PHACTR1: variants seen among roughly 807,000 people sequenced by gnomAD.
PHACTR1 encodes RPEL repeat containing 1.
In PHACTR1, 16 loss-of-function variants were observed where a neutral mutation model predicts 69.2. The ratio of observed to expected loss-of-function variants is 0.23; its 90% confidence interval spans 0.16 to 0.35. PHACTR1 has a LOEUF of 0.35. Among genes scored for constraint, PHACTR1 ranks in the 10% least tolerant of loss-of-function variants. The pLI is 1.00. For missense variants in PHACTR1, 510 were observed against 734.7 expected (o/e 0.69, Z 3.54); for synonymous variants, 312 against 284.5 (o/e 1.10, Z -0.97).
chr6:12,879,876 A>T (rs1782910600), intron 4 of PHACTR1, among the ~76,000 whole-genome samples: 1 of 152,022 alleles, frequency 6.6e-6, no homozygotes, highest in Admixed American at 6.6e-5. Flanking sequence ...CCATTATTCT[A>T]CTCTCGTATG....
intron 4 of PHACTR1, among the ~76,000 whole-genome samples, chr6:12,967,858 T>G (rs774319497): frequency 6.6e-6 from 1 of 152,252 alleles, no homozygotes. Context: ...AATATTGTTT[T>G]GCAAGGACTA....
At chr6:12,914,681 G>A (rs1786776355) in intron 4 of PHACTR1, among the ~76,000 whole-genome samples, 1 of 151,906 alleles carries the variant, frequency 6.6e-6, no homozygotes, top group South Asian at 2.1e-4. Context: ...TCTCTCAGGG[G>A]GAGCAATCAG....
At chr6:12,859,824 C>A (rs1041992779) in intron 4 of PHACTR1, among the ~76,000 whole-genome samples, 1 of 152,058 alleles carries the variant, frequency 6.6e-6, no homozygotes, top group Non-Finnish European at 1.5e-5. Context: ...TACATGAGGA[C>A]AATAGATGTT....
intron 4 of PHACTR1, among the ~76,000 whole-genome samples, chr6:12,888,773 G>A (rs796183671): frequency 2.0e-5 from 3 of 152,250 alleles, no homozygotes; most frequent in African/African-American, 7.2e-5. Context: ...TCTCTCTCAC[G>A]TTATATGTGT....
intron 6 of PHACTR1, among the ~76,000 whole-genome samples, chr6:13,176,427 G>T (rs1211777980): frequency 2.0e-5 from 3 of 152,070 alleles, no homozygotes; most frequent in East Asian, 1.9e-4. Flanking sequence ...TCCTAGCAAG[G>T]TTATGCATTT....
intron 4 of PHACTR1, among the ~76,000 whole-genome samples, chr6:12,922,612 C>T (rs1787842431): frequency 6.6e-6 from 1 of 152,192 alleles, no homozygotes; most frequent in Non-Finnish European, 1.5e-5. Flanking sequence ...AGCTGATTCT[C>T]CATGCATTGA....
intron 5 of PHACTR1, among the ~76,000 whole-genome samples, chr6:13,095,226 A>G (rs1315422107): frequency 6.6e-6 from 1 of 152,356 alleles, no homozygotes; most frequent in Non-Finnish European, 1.5e-5. Flanking sequence ...GAGCAGACTG[A>G]TAACGCTATT....
At chr6:12,740,277 T>C (rs1764868770) in intron 3 of PHACTR1, among the ~76,000 whole-genome samples, 1 of 152,146 alleles carries the variant, frequency 6.6e-6, no homozygotes, top group South Asian at 2.1e-4. Flanking sequence ...GCTGTGGACA[T>C]GCTGGTCCAT....
At chr6:13,134,327 C>G (rs569641606) in intron 5 of PHACTR1, among the ~76,000 whole-genome samples, 372 of 152,342 alleles carry the variant, frequency 2.4e-3, no homozygotes, top group African/African-American at 8.7e-3. Flanking sequence ...TCCATGATGA[C>G]GATGGCGGTT....
intron 5 of PHACTR1, among the ~76,000 whole-genome samples, chr6:13,157,800 G>A (rs533187746): frequency 2.0e-5 from 3 of 152,204 alleles, no homozygotes; most frequent in Admixed American, 1.3e-4. Flanking sequence ...AACAAACCCC[G>A]TACTTAAAGC....
intron 4 of PHACTR1, among the ~76,000 whole-genome samples, chr6:13,016,032 G>C (rs558348115): frequency 2.0e-5 from 3 of 152,296 alleles, no homozygotes; most frequent in Admixed American, 6.5e-5. Context: ...TTTACTGCCA[G>C]AAACCAAAGC....
intron 4 of PHACTR1, among the ~76,000 whole-genome samples, chr6:12,990,543 G>C (rs1308324784): frequency 6.6e-6 from 1 of 152,250 alleles, no homozygotes; most frequent in Admixed American, 6.5e-5. Flanking sequence ...TTGGGCTCCA[G>C]CCCCATGGCA....
At chr6:13,127,822 T>C (rs1819776506) in intron 5 of PHACTR1, among the ~76,000 whole-genome samples, 1 of 152,154 alleles carries the variant, frequency 6.6e-6, no homozygotes, top group African/African-American at 2.4e-5. Flanking sequence ...ATTTATTCAG[T>C]GTTTCAAACA....
intron 4 of PHACTR1, among the ~76,000 whole-genome samples, chr6:12,953,726 A>C (rs967286300): frequency 1.3e-5 from 2 of 152,234 alleles, no homozygotes; most frequent in African/African-American, 2.4e-5. Context: ...GATACCTAGT[A>C]AGTGCTGATC....
chr6:13,258,160 C>A (rs1046714392), intron 10 of PHACTR1, among the ~76,000 whole-genome samples: 1 of 152,038 alleles, frequency 6.6e-6, no homozygotes. Flanking sequence ...GAGTTCGAGA[C>A]CAGCCTGGCC....
Position 12,951,231 on chromosome 6 carries a change from G to GT in PHACTR1, c.251-102133dup, listed in dbSNP as rs1369444992. On this transcript the variant is annotated intron_variant, in intron 4 of 14. Coordinates refer to ENST00000332995, the MANE Select transcript of PHACTR1 (RefSeq NM_030948.6). ...CTGCCTTCATTCTGGGAAGCTCTAT[G>GT]TGAAACTGTCCGCTTTGCTCAGAAC... is the stretch of plus-strand genomic sequence containing the variant. Among the ~76,000 whole-genome samples the GT allele has an allele frequency of 2.6e-5, 4 of 152,314 alleles. No individual in the cohort carries two copies. The East Asian group carries it at 7.7e-4, about 29-fold the overall frequency.
chr6:12,971,361 G>A (rs145080922), intron 4 of PHACTR1, among the ~76,000 whole-genome samples: 9 of 152,310 alleles, frequency 5.9e-5, no homozygotes, highest in Non-Finnish European at 1.2e-4. Flanking sequence ...GTTGTTCCAG[G>A]CAAAGGCACA....
At chr6:13,010,054 C>T (rs545027386) in intron 4 of PHACTR1, among the ~76,000 whole-genome samples, 2 of 152,310 alleles carry the variant, frequency 1.3e-5, no homozygotes, top group East Asian at 3.9e-4. Context: ...CTCTTGGTTA[C>T]AAACTTCCAC....
At chr6:12,936,312 A>G (rs142695219) in intron 4 of PHACTR1, among the ~76,000 whole-genome samples, 2 of 152,334 alleles carry the variant, frequency 1.3e-5, no homozygotes, top group African/African-American at 4.8e-5. Flanking sequence ...TATAATAATA[A>G]TTTTAATATT....
Sources: allele counts gnomAD v4.1 joint callset (sites outside exome capture counted in the v4.1 genomes callset), GRCh38; gene constraint gnomAD v4.1.1; transcripts MANE v1.5; gene names NCBI Gene and HGNC (gene_info 2026-07-23, HGNC 2026-07-21).